The following ZNF727 variants were observed in gnomAD, a reference collection of about 807,000 sequenced individuals.
ZNF727 encodes putative zinc finger protein 727.
Under a neutral mutation model 11.5 loss-of-function variants are expected in ZNF727, and 11 were observed. The observed-to-expected ratio is 0.95, with a 90% CI of 0.60 to 1.58. The LOEUF (loss-of-function observed/expected upper bound fraction) is 1.58, where lower values mean the gene tolerates loss of function less well. Among genes scored for constraint, ZNF727 ranks in the 40% most tolerant of loss-of-function variants. The pLI, the probability that ZNF727 is intolerant of heterozygous loss-of-function variation, is 0.00. For missense variants in ZNF727, 533 were observed against 581.7 expected (o/e 0.92, Z 0.86); for synonymous variants, 171 against 196.1 (o/e 0.87, Z 1.07).
chr7:64,075,078 T>C (rs1443663046), intron 3 of ZNF727, among the ~76,000 whole-genome samples: 2 of 152,130 alleles, frequency 1.3e-5, no homozygotes, highest in African/African-American at 4.8e-5. Flanking sequence ...ACACCATATA[T>C]TAAAATCTTT....
At chr7:64,069,862 G>T (rs1308838006) in intron 3 of ZNF727, among the ~76,000 whole-genome samples, 3 of 151,788 alleles carry the variant, frequency 2.0e-5, no homozygotes, top group Admixed American at 2.0e-4. Context: ...TTTTTTGTGG[G>T]TTTTTTGAGT....
rs995400800 is a variant in ZNF727 at position 64,082,487 on chromosome 7, C to T, written c.*3938C>T. ...AGCTCCATCTAAGGGAGGTATAGACCGGTTTCCAGCCCCAAAGCAACTGTA... is the reference window on the plus strand; with the variant it reads ...AGCTCCATCTAAGGGAGGTATAGACTGGTTTCCAGCCCCAAAGCAACTGTA... On this transcript the variant is annotated 3_prime_UTR_variant, in exon 4 of 4. Transcript: ENST00000456806. Among the ~76,000 whole-genome samples, 10 of 152,188 alleles carry T rather than the reference C, an allele frequency of 6.6e-5. No homozygotes were observed. Among genetic ancestry groups the T allele is most frequent in the Non-Finnish European group, 8.8e-5 (6 of 68,042 alleles).
Position 64,062,333 on chromosome 7 carries a change from G to A in ZNF727, c.4-6558G>A, listed in dbSNP as rs528491821. Among the ~76,000 whole-genome samples the A allele has an allele frequency of 3.4e-3, 520 of 151,946 alleles. 2 individuals are homozygous for A. Among genetic ancestry groups the A allele is most frequent in the Non-Finnish European group, 6.3e-3 (431 of 67,922 alleles). On this transcript the variant is annotated intron_variant, in intron 1 of 3. Coordinates refer to ENST00000456806, the MANE Select transcript of ZNF727 (RefSeq NM_001159522.3). ...CATTAATGTTCTATTCTTTTAGATTGAAGAACTGCCTTTAGCATTTTTGTA... is the reference window on the plus strand; with the variant it reads ...CATTAATGTTCTATTCTTTTAGATTAAAGAACTGCCTTTAGCATTTTTGTA...
intron 1 of ZNF727, among the ~76,000 whole-genome samples, chr7:64,047,670 A>G (rs1421020361): frequency 2.6e-5 from 4 of 152,070 alleles, no homozygotes; most frequent in Non-Finnish European, 5.9e-5. Context: ...CTCTCAGGGG[A>G]GCAGCTGGAT....
At position 64,081,614 on chromosome 7, in the gene ZNF727, T is replaced by C. The variant is rs1390274010; in HGVS notation, c.*3065T>C. Among the ~76,000 whole-genome samples, 4 of 152,068 alleles carry C rather than the reference T, an allele frequency of 2.6e-5. No individual in the cohort carries two copies. Among genetic ancestry groups the C allele is most frequent in the Admixed American group, 6.6e-5 (1 of 15,264 alleles). On this transcript the variant is annotated 3_prime_UTR_variant, in exon 4 of 4. Coordinates refer to ENST00000456806, the MANE Select transcript of ZNF727 (RefSeq NM_001159522.3). ...GCATGGCCCACCAGTGCAGATGCTATGGTATGGGCTCCTAGGGTACCTGAG... is the reference window on the plus strand; with the variant it reads ...GCATGGCCCACCAGTGCAGATGCTACGGTATGGGCTCCTAGGGTACCTGAG...
intron 1 of ZNF727, among the ~76,000 whole-genome samples, chr7:64,058,544 C>T (rs1789721186): frequency 6.6e-6 from 1 of 152,078 alleles, no homozygotes; most frequent in African/African-American, 2.4e-5. Context: ...GCTTCTGAGT[C>T]ACCTGATCAT....
rs1300696598 is a variant in ZNF727 at position 64,069,092 on chromosome 7, G to A, written c.130+75G>A. 8 of 1,420,302 alleles carry A rather than the reference G, an allele frequency of 5.6e-6. No homozygotes were observed. The South Asian group carries it at 1.1e-4, about 20-fold the overall frequency. The allele number at this position is 1,420,302 out of a possible 1,614,324, so 88.0% of individuals were successfully genotyped here. ...TTCCTCTTTTTTTTTTTGAAGTTCT[G>A]CTTTGCATAAATGAGTTTCAGAATC... On this transcript the variant is annotated intron_variant, in intron 2 of 3. Transcript: ENST00000456806.
In ZNF727 at chr7:64,077,260, C is replaced by CT. The variant is rs34875861; in HGVS notation, c.227-4dup. On this transcript the variant is annotated splice_polypyrimidine_tract_variant and intron_variant, in intron 3 of 3. Transcript: ENST00000456806. ...CTGATGAGGGAGAAATTTTGTGGTT[C>CT]TTTTTTTTTTTTCAGCTGGCTCTTT... is the stretch of plus-strand genomic sequence containing the variant. The CT allele has an allele frequency of 4.4e-3, 5,401 of 1,236,716 alleles. No homozygotes were observed. Among genetic ancestry groups the CT allele is most frequent in the South Asian group, 7.2e-3 (415 of 57,846 alleles). The allele number at this position is 1,236,716 out of a possible 1,614,324, so 76.6% of individuals were successfully genotyped here.
At position 64,082,213 on chromosome 7, in the gene ZNF727, C is replaced by A. The variant is rs113182730; in HGVS notation, c.*3664C>A. Among the ~76,000 whole-genome samples, 3 of 152,112 alleles carry A rather than the reference C, an allele frequency of 2.0e-5. No homozygotes were observed. The highest frequency in any genetic ancestry group is 1.3e-4 in the Admixed American group (2 of 15,272). On this transcript the variant is annotated 3_prime_UTR_variant, in exon 4 of 4. Transcript: ENST00000456806. ...CTTGGAGGCTCTGTCTAGGGAGTTG[C>A]GAAGTTGCTACTGGCTCAATAGCTC...
At chr7:64,048,126 G>A (rs539702177) in intron 1 of ZNF727, among the ~76,000 whole-genome samples, 2 of 152,040 alleles carry the variant, frequency 1.3e-5, no homozygotes, top group African/African-American at 4.8e-5. Flanking sequence ...TATATGTTCA[G>A]TTATTTCAAC....
rs1785776124 is a variant in ZNF727, at chr7:64,080,898, T to TTTTTGTTC, written c.*2353_*2354insGTTCTTTT. Among the ~76,000 whole-genome samples, 2 of 146,372 alleles carry TTTTTGTTC rather than the reference T, an allele frequency of 1.4e-5. No homozygotes were observed. The highest frequency in any genetic ancestry group is 5.1e-5 in the African/African-American group (2 of 39,376). On this transcript the variant is annotated 3_prime_UTR_variant, in exon 4 of 4. Transcript: ENST00000456806. ...TTTTTTGTTTTTTGTTTTTGTTTTTTTTTTTGTGGTGGTGGAGGGGGCAAT... is the reference window on the plus strand; with the variant it reads ...TTTTTTGTTTTTTGTTTTTGTTTTTTTTTTGTTCTTTTTGTGGTGGTGGAGGGGGCAAT...
At chr7:64,076,475 C>A (rs1398731272) in intron 3 of ZNF727, among the ~76,000 whole-genome samples, 1 of 151,976 alleles carries the variant, frequency 6.6e-6, no homozygotes, top group Non-Finnish European at 1.5e-5. Flanking sequence ...CCAGGTGAGG[C>A]ACGCCTATAA....
At chr7:64,070,037 T>C (rs772735525) in intron 3 of ZNF727, among the ~76,000 whole-genome samples, 1 of 152,132 alleles carries the variant, frequency 6.6e-6, no homozygotes, top group East Asian at 1.9e-4. Flanking sequence ...TTTGGTGATA[T>C]TGCAATTTGG....
chr7:64,051,765 A>G (rs1789601480), intron 1 of ZNF727, among the ~76,000 whole-genome samples: 1 of 152,192 alleles, frequency 6.6e-6, no homozygotes, highest in Non-Finnish European at 1.5e-5. Flanking sequence ...GGAAAAAGTT[A>G]AAGTATGTAT....
rs1785773892 is a variant in ZNF727, at chr7:64,080,831, AG to A, written c.*2284del. The stretch of plus-strand genomic sequence containing the variant: ...GTCTTGAGTATTTGATTGTGGTAAA[AG>A]GTGGATTCAGCCAACAGGCTTTGTT... On this transcript the variant is annotated 3_prime_UTR_variant, in exon 4 of 4. Coordinates refer to ENST00000456806, the MANE Select transcript of ZNF727 (RefSeq NM_001159522.3). Among the ~76,000 whole-genome samples, 1 of 151,450 alleles carries A rather than the reference AG, an allele frequency of 6.6e-6. No homozygotes were observed. Among genetic ancestry groups the A allele is most frequent in the Non-Finnish European group, 1.5e-5 (1 of 67,948 alleles).
At chr7:64,069,471 A>G (rs1364933423) in intron 2 of ZNF727, 43 bp from the exon 3 acceptor site, 1 of 1,450,424 alleles carries the variant, frequency 6.9e-7, no homozygotes, top group Admixed American at 2.0e-5. Flanking sequence ...TGGTAATCAG[A>G]TTATCCTAGC....
At chr7:64,070,817 C>A (rs1440650335) in intron 3 of ZNF727, among the ~76,000 whole-genome samples, 1 of 152,054 alleles carries the variant, frequency 6.6e-6, no homozygotes, top group Non-Finnish European at 1.5e-5. Context: ...TCTATACTCT[C>A]TTCTTCTAGG....
intron 1 of ZNF727, among the ~76,000 whole-genome samples, chr7:64,049,074 A>G (rs1789552593): frequency 6.6e-6 from 1 of 152,198 alleles, no homozygotes; most frequent in Admixed American, 6.5e-5. Context: ...ACAAATTTGA[A>G]GTAAATCTTT....
chr7:64,068,784 C>G (rs892705009), intron 1 of ZNF727, 107 bp from the exon 2 acceptor site: 10 of 1,287,650 alleles, frequency 7.8e-6, no homozygotes, highest in Non-Finnish European at 5.4e-6. Flanking sequence ...TTGGATAACT[C>G]CAGTAACTCA....
Sources: allele counts gnomAD v4.1 joint callset (sites outside exome capture counted in the v4.1 genomes callset), GRCh38; gene constraint gnomAD v4.1.1; transcripts MANE v1.5; gene names NCBI Gene and HGNC (gene_info 2026-07-23, HGNC 2026-07-21).